The following C6orf118 variants were observed in gnomAD, a reference collection of about 807,000 sequenced individuals.
The protein encoded by C6orf118 is uncharacterized protein C6orf118.
Under a neutral mutation model 50.2 loss-of-function variants are expected in C6orf118, and 50 were observed. The observed-to-expected ratio is 1.00, with a 90% CI of 0.79 to 1.26. The LOEUF (loss-of-function observed/expected upper bound fraction) is 1.26, where lower values mean the gene tolerates loss of function less well. Ranked by LOEUF, C6orf118 falls within the 50% of genes most tolerant of loss-of-function variation. The pLI, the probability that C6orf118 is intolerant of heterozygous loss-of-function variation, is 0.00. For missense variants in C6orf118, 641 were observed against 578.7 expected (o/e 1.11, Z -1.10); for synonymous variants, 239 against 230.9 (o/e 1.03, Z -0.32).
Position 165,279,699 on chromosome 6 carries a change from T to C in C6orf118, c.*358A>G. The C allele has an allele frequency of 5.5e-6, 1 of 180,626 alleles. No individual in the cohort carries two copies. Among genetic ancestry groups the C allele is most frequent in the South Asian group, 1.8e-4 (1 of 5,426 alleles). 11.2% of individuals were successfully genotyped at this position (180,626 alleles called of 1,614,324 possible). ...ACTATAAAATTTTATTAAATGCATA[T>C]ATGTAAACTTGTGTTGGCAAATAAA... On this transcript the variant is annotated 3_prime_UTR_variant, in exon 9 of 9. Coordinates refer to ENST00000230301, the MANE Select transcript of C6orf118 (RefSeq NM_144980.4).
chr6:165,309,293 G>A (rs1021837306), intron 1 of C6orf118, among the ~76,000 whole-genome samples: 1 of 152,090 alleles, frequency 6.6e-6, no homozygotes, highest in African/African-American at 2.4e-5. Context: ...CCAACACACG[G>A]CGCGTCCGTC....
chr6:165,281,349 T>C (rs927440338), intron 8 of C6orf118: 1 of 266,316 alleles, frequency 3.8e-6, no homozygotes, highest in Non-Finnish European at 6.6e-6. Flanking sequence ...GAATGCAACA[T>C]GTGTATTTAA....
chr6:165,302,443 A>C (rs1361982078), intron 1 of C6orf118, 147 bp from the exon 2 acceptor site: 1 of 1,054,190 alleles, frequency 9.5e-7, no homozygotes, highest in Non-Finnish European at 1.3e-6. Context: ...AGCCCTTAAA[A>C]GTCAAAGGCA....
chr6:165,307,569 A>T lies in C6orf118; in HGVS notation c.25+1993T>A, dbSNP rs73788330. On this transcript the variant is annotated intron_variant, in intron 1 of 8. Transcript: ENST00000230301. ...TGAGACTGCCTCAAAAAAAAAAAAA[A>T]TTTTTTTTAATCACTGTCCCATGTT... Among the ~76,000 whole-genome samples, 183 of 148,886 alleles carry T rather than the reference A, an allele frequency of 1.2e-3. 1 individual carries two copies. The highest frequency in any genetic ancestry group is 4.0e-3 in the African/African-American group (158 of 39,428).
Position 165,299,503 on chromosome 6 carries a change from C to T in C6orf118, c.877-1G>A, listed in dbSNP as rs753232839. Reference sequence around the variant, plus strand: ...TTGCCATGTAGAGTTCATATTCATCCTGTACAGAAACAAACAAAAGTCCAC... The same window carrying T: ...TTGCCATGTAGAGTTCATATTCATCTTGTACAGAAACAAACAAAAGTCCAC... On this transcript the variant is annotated splice_acceptor_variant, in intron 3 of 8. Coordinates refer to ENST00000230301, the MANE Select transcript of C6orf118 (RefSeq NM_144980.4). LOFTEE classifies it high-confidence loss of function. The T allele has an allele frequency of 6.2e-7, 1 of 1,614,000 alleles. No homozygotes were observed. The highest frequency in any genetic ancestry group is 1.7e-5 in the Admixed American group (1 of 60,018).
intron 5 of C6orf118, among the ~76,000 whole-genome samples, chr6:165,295,806 C>T (rs1780274269): frequency 6.6e-6 from 1 of 152,060 alleles, no homozygotes; most frequent in South Asian, 2.1e-4. Context: ...ATTGCCTTCA[C>T]TGGACATTTC....
At chr6:165,300,208 A>C (rs1183806635) in intron 3 of C6orf118, among the ~76,000 whole-genome samples, 156 bp downstream of exon 3, 1 of 152,190 alleles carries the variant, frequency 6.6e-6, no homozygotes. Context: ...ACGTGCCTGC[A>C]GGCAGATGAC....
chr6:165,286,249 G>A (rs191148172), intron 7 of C6orf118, among the ~76,000 whole-genome samples: 3 of 152,248 alleles, frequency 2.0e-5, no homozygotes, highest in Non-Finnish European at 2.9e-5. Flanking sequence ...TCCCTGAATA[G>A]ACCAATAATG....
At chr6:165,298,230 A>G (rs1368612074) in intron 4 of C6orf118, 129 bp from the exon 5 acceptor site, 1 of 1,200,890 alleles carries the variant, frequency 8.3e-7, no homozygotes, top group African/African-American at 1.6e-5. Context: ...TAAAATAGGT[A>G]AATTGGGAGG....
Position 165,279,832 on chromosome 6 carries a change from G to A in C6orf118, c.*225C>T, listed in dbSNP as rs960106166. 7 of 419,774 alleles carry A rather than the reference G, an allele frequency of 1.7e-5. No individual in the cohort carries two copies. Among genetic ancestry groups the A allele is most frequent in the Non-Finnish European group, 2.9e-5 (7 of 240,320 alleles). The allele number at this position is 419,774 out of a possible 1,614,324, so 26.0% of individuals were successfully genotyped here. A position where few individuals can be genotyped will look rare whatever the true frequency, so the allele number is the denominator to read the frequency against. On this transcript the variant is annotated 3_prime_UTR_variant, in exon 9 of 9. Transcript: ENST00000230301. ...TAAATGAAAGTAAAACATACGTTAA[G>A]AACTAGTATTGTTGTAAATATGTAT...
At position 165,298,069 on chromosome 6, in the gene C6orf118, C is replaced by T. The variant is rs752649183; in HGVS notation, c.969G>A (p.Gln323=). ...ALLAQLKALG[Q]RPVKTADMDL... ...CCATGTCCGCCGTCTTCACCGGCCT[C>T]TGCCCCAGCGCCTTGAGTTGAGCCA... Residue 323 remains glutamine (Q), a synonymous_variant, in exon 5 of 9, where the codon CAG becomes CAA. Transcript: ENST00000230301. 60 of 1,611,060 alleles carry T rather than the reference C, an allele frequency of 3.7e-5. No homozygotes were observed. In the South Asian group the frequency reaches 6.5e-4, roughly 17 times the overall value.
chr6:165,299,687 A>G (rs1222207720), intron 3 of C6orf118, among the ~76,000 whole-genome samples, 185 bp from the exon 4 acceptor site: 1 of 152,248 alleles, frequency 6.6e-6, no homozygotes, highest in East Asian at 1.9e-4. Context: ...ACCATCTTTG[A>G]AGCATATTTG....
chr6:165,296,715 G>C (rs1473871015), intron 5 of C6orf118, among the ~76,000 whole-genome samples: 2 of 152,172 alleles, frequency 1.3e-5, no homozygotes, highest in East Asian at 3.9e-4. Flanking sequence ...GTTTCAGGCA[G>C]CTCCCCACTT....
intron 7 of C6orf118, among the ~76,000 whole-genome samples, chr6:165,289,193 A>G (rs1484775425): frequency 6.6e-6 from 1 of 151,568 alleles, no homozygotes; most frequent in African/African-American, 2.4e-5. Context: ...AAAGAAAAAG[A>G]AAAAGAAAAA....
chr6:165,290,189 A>G (rs1780060682), intron 6 of C6orf118, 122 bp from the exon 7 acceptor site: 1 of 605,028 alleles, frequency 1.7e-6, no homozygotes, highest in Non-Finnish European at 2.7e-6. Flanking sequence ...AATATAATTC[A>G]AACTCGAAGC....
intron 6 of C6orf118, 154 bp downstream of exon 6, chr6:165,293,259 G>A (rs745339583): frequency 4.0e-6 from 3 of 759,090 alleles, no homozygotes; most frequent in Non-Finnish European, 4.8e-6. Flanking sequence ...GTGATCTTGG[G>A]TGATGTGGGT....
chr6:165,284,363 G>C (rs930378773), intron 7 of C6orf118, among the ~76,000 whole-genome samples: 3 of 152,202 alleles, frequency 2.0e-5, no homozygotes, highest in African/African-American at 7.2e-5. Context: ...GTACTTGAAA[G>C]AGATGGGGAG....
intron 5 of C6orf118, among the ~76,000 whole-genome samples, chr6:165,296,250 GTTTTTTTTTT>G (rs56394079): frequency 4.8e-5 from 5 of 103,364 alleles, no homozygotes; most frequent in African/African-American, 6.5e-5. Flanking sequence ...TTCGTTTTTT[GTTTTTTTTTT>G]TTTTTTTTTT....
At chr6:165,291,892 T>C (rs1361726640) in intron 6 of C6orf118, among the ~76,000 whole-genome samples, 1 of 152,142 alleles carries the variant, frequency 6.6e-6, no homozygotes, top group Non-Finnish European at 1.5e-5. Flanking sequence ...GAGTTAGAAA[T>C]ATTAATAACC....
Sources: gnomAD v4.1 joint callset for allele counts (sites outside exome capture counted in the v4.1 genomes callset) on GRCh38, gnomAD v4.1.1 for gene constraint, MANE v1.5 for transcripts, NCBI Gene and HGNC (gene_info 2026-07-23, HGNC 2026-07-21) for gene names.